The following ATG7 variants were observed in gnomAD, a reference collection of about 807,000 sequenced individuals.
ATG7 encodes the protein ubiquitin-like modifier-activating enzyme ATG7.
Under a neutral mutation model 82.4 loss-of-function variants are expected in ATG7, and 70 were observed. The ratio of observed to expected loss-of-function variants is 0.85; its 90% confidence interval spans 0.70 to 1.04. The LOEUF is 1.04. Ranked by LOEUF, ATG7 falls within the 50% of genes least tolerant of loss-of-function variation. ATG7 has a pLI of 0.00. For synonymous variants in ATG7, 287 were observed against 313.0 expected (o/e 0.92, Z 0.88); for missense variants, 792 against 864.3 (o/e 0.92, Z 1.05).
the ATG7 span, among the ~76,000 whole-genome samples, chr3:11,573,303 GAAA>G: frequency 0.24 from 5,492 of 23,290 alleles, 769 homozygotes; most frequent in South Asian, 0.26. Context: ...AAGAAAGAAA[GAAA>G]GGAAGGAAGG....
chr3:11,452,235 AC>A, intron 20 of ATG7, among the ~76,000 whole-genome samples: 1 of 151,774 alleles, frequency 6.6e-6, no homozygotes, highest in East Asian at 1.9e-4. Context: ...AAATACAAAA[AC>A]TAGCTGGGCA....
At chr3:11,426,775 C>T (rs1021556971) in intron 19 of ATG7, 29 bp from the exon 20 acceptor site, 28 of 1,535,180 alleles carry the variant, frequency 1.8e-5, no homozygotes, top group Non-Finnish European at 2.5e-5. Flanking sequence ...TCTGGAGACT[C>T]CTTTTTAAAA....
chr3:11,439,172 G>A (rs564526998), intron 20 of ATG7, among the ~76,000 whole-genome samples: 18 of 148,748 alleles, frequency 1.2e-4, no homozygotes, highest in East Asian at 2.0e-4. Context: ...AGGTTCAAGC[G>A]ATTCTCCTGC....
At chr3:11,561,960 C>T (rs1382697336), downstream of ATG7, among the ~76,000 whole-genome samples, 1 of 144,074 alleles carries the variant, frequency 6.9e-6, no homozygotes, top group East Asian at 2.1e-4. Flanking sequence ...AGTGCAGTGA[C>T]GCGATCTTGG....
downstream of ATG7, chr3:11,557,697 C>CTATATAATTA (rs1575334106): frequency 1.3e-5 from 2 of 152,838 alleles, no homozygotes; most frequent in East Asian, 3.8e-4. Flanking sequence ...TGTTTACTGT[C>CTATATAATTA]TATATAATTA....
chr3:11,333,081 G>T lies in ATG7; in HGVS notation c.877G>T (p.Ala293Ser). ...CTTCGAAGTGAAGCTTCCAGAAATGGCATTTAGCCCAGGTAATTTGCCGGT... is the reference window on the plus strand; with the variant it reads ...CTTCGAAGTGAAGCTTCCAGAAATGTCATTTAGCCCAGGTAATTTGCCGGT... ...IIFEVKLPEMAFSPDCPKAVG... is the reference protein window; with the variant it reads ...IIFEVKLPEMSFSPDCPKAVG... The change falls in exon 11 of 21, where the codon GCA (alanine) becomes TCA (serine). Residue 293 changes from alanine (A) to serine (S), a missense_variant. Coordinates refer to ENST00000693202, the MANE Select transcript of ATG7 (RefSeq NM_001349232.2). The T allele has an allele frequency of 6.4e-7, 1 of 1,559,542 alleles. No homozygotes were observed. The highest frequency in any genetic ancestry group is 1.2e-5 in the South Asian group (1 of 82,430).
intron 20 of ATG7, among the ~76,000 whole-genome samples, chr3:11,464,468 G>A (rs911797647): frequency 2.6e-5 from 4 of 152,140 alleles, no homozygotes; most frequent in South Asian, 2.1e-4. Context: ...GCACCCCCTC[G>A]GTAAAGTACG....
chr3:11,386,695 C>T (rs2078342222), intron 19 of ATG7, among the ~76,000 whole-genome samples: 1 of 152,182 alleles, frequency 6.6e-6, no homozygotes, highest in African/African-American at 2.4e-5. Context: ...CCCCCAGGTT[C>T]TCTTTTCCTA....
chr3:11,320,171 C>T (rs962566310), intron 9 of ATG7, among the ~76,000 whole-genome samples: 10 of 152,152 alleles, frequency 6.6e-5, no homozygotes, highest in African/African-American at 2.4e-4. Flanking sequence ...ACCCCTCCCT[C>T]CCCCTACCTC....
chr3:11,489,152 A>G (rs552514448), intron 20 of ATG7, among the ~76,000 whole-genome samples: 5 of 152,336 alleles, frequency 3.3e-5, no homozygotes, highest in Non-Finnish European at 5.9e-5. Flanking sequence ...GTGTCGAGGA[A>G]TTTATCCATT....
intron 6 of ATG7, chr3:11,308,748 T>C (rs761961313): frequency 2.3e-5 from 13 of 572,472 alleles, no homozygotes; most frequent in Non-Finnish European, 3.7e-5. Flanking sequence ...TGAGATCTGC[T>C]GAGAGGAGGC....
intron 6 of ATG7, chr3:11,308,669 G>T: frequency 2.5e-6 from 1 of 401,954 alleles, no homozygotes; most frequent in Admixed American, 3.9e-5. Flanking sequence ...GTATATAGTA[G>T]ACAATAAGTA....
intron 19 of ATG7, among the ~76,000 whole-genome samples, chr3:11,408,261 G>T (rs575613883): frequency 2.0e-5 from 3 of 152,310 alleles, no homozygotes; most frequent in East Asian, 3.9e-4. Flanking sequence ...CTTTGTTCCA[G>T]TTCCCAACAA....
At chr3:11,368,488 A>G (rs566191483) in intron 18 of ATG7, among the ~76,000 whole-genome samples, 1 of 152,172 alleles carries the variant, frequency 6.6e-6, no homozygotes, top group Admixed American at 6.5e-5. Flanking sequence ...TACCTCCTCA[A>G]AGGATGATAA....
intron 20 of ATG7, among the ~76,000 whole-genome samples, chr3:11,528,825 CAAAA>C (rs11377789): frequency 5.6e-5 from 5 of 88,730 alleles, no homozygotes; most frequent in Admixed American, 1.3e-4. Flanking sequence ...GACTCCATCT[CAAAA>C]AAAAAAAAAA....
intron 5 of ATG7, among the ~76,000 whole-genome samples, chr3:11,302,795 GA>G: frequency 6.6e-6 from 1 of 152,310 alleles, no homozygotes; most frequent in Non-Finnish European, 1.5e-5. Flanking sequence ...CATAGCACTG[GA>G]TAAGTCTCTT....
At chr3:11,476,042 C>T (rs571356345) in intron 20 of ATG7, among the ~76,000 whole-genome samples, 1 of 152,112 alleles carries the variant, frequency 6.6e-6, no homozygotes, top group Non-Finnish European at 1.5e-5. Context: ...TTTTCATAGC[C>T]GCAAGGCATC....
intron 20 of ATG7, among the ~76,000 whole-genome samples, chr3:11,516,976 G>A (rs1302967074): frequency 3.3e-5 from 5 of 152,088 alleles, no homozygotes; most frequent in Admixed American, 6.6e-5. Context: ...CCAGCTACTC[G>A]GGAGGCTGAG....
intron 1 of ATG7, chr3:11,272,809 T>C (rs186110004): frequency 1.3e-5 from 2 of 152,382 alleles, no homozygotes; most frequent in East Asian, 3.9e-4. Context: ...GGCACGTTCC[T>C]TCCCCATCTA....
Sources: gnomAD v4.1 joint callset for allele counts (sites outside exome capture counted in the v4.1 genomes callset) on GRCh38, gnomAD v4.1.1 for gene constraint, MANE v1.5 for transcripts, NCBI Gene and HGNC (gene_info 2026-07-23, HGNC 2026-07-21) for gene names.